The following MEF2C variants were observed in gnomAD, a reference collection of about 807,000 sequenced individuals.
The protein encoded by MEF2C is myocyte-specific enhancer factor 2C.
MEF2C carries 6 observed loss-of-function variants against 50.5 expected under a neutral mutation model. The ratio of observed to expected loss-of-function variants is 0.12; its 90% CI spans 0.07 to 0.23. The LOEUF is 0.23. Among genes scored for constraint, MEF2C ranks in the 10% least tolerant of loss-of-function variants. The probability of loss-of-function intolerance (pLI) is 1.00; values close to 1 mark genes in which losing one functional copy is unlikely to be tolerated. For missense variants in MEF2C, 276 were observed against 605.0 expected (o/e 0.46, Z 5.70); for synonymous variants, 183 against 228.0 (o/e 0.80, Z 1.78).
In MEF2C at chr5:88,826,416, C is replaced by T. The variant is rs372934299; in HGVS notation, c.-142-2486G>A. 9.3e-4 allele frequency among the ~76,000 whole-genome samples: 142 copies of T among 151,970 alleles called. 4 individuals are homozygous for T. In the South Asian group the frequency reaches 0.027, roughly 29 times the overall value. On this transcript the variant is annotated intron_variant, in intron 1 of 10. Coordinates refer to ENST00000504921, the MANE Select transcript of MEF2C (RefSeq NM_002397.5). ...AATCCAAAATTTAGTATGAAGTACA[C>T]GTGCAGAGTAATATGTGGTGATGAT...
rs1001668819 is a variant in MEF2C at position 88,743,867 on chromosome 5, G to C, written c.637+5203C>G. On this transcript the variant is annotated intron_variant, in intron 6 of 10. Coordinates refer to ENST00000504921, the MANE Select transcript of MEF2C (RefSeq NM_002397.5). ...ATTCAAAATAAGAAAACAGATGTTA[G>C]TTTCTTTTTTATAAAATTATATCTA... 3.1e-6 allele frequency: 3 copies of C among 960,746 alleles called. No individual in the cohort carries two copies. The South Asian group carries it at 1.4e-4, about 46-fold the overall frequency. The allele number at this position is 960,746 out of a possible 1,614,324, so 59.5% of individuals were successfully genotyped here. A position where few individuals can be genotyped will look rare whatever the true frequency, so the allele number is the denominator to read the frequency against.
intron 1 of MEF2C, among the ~76,000 whole-genome samples, chr5:88,879,034 T>G (rs1013347182): frequency 6.6e-6 from 1 of 152,044 alleles, no homozygotes; most frequent in Non-Finnish European, 1.5e-5. Context: ...ATGAAACATC[T>G]CATTCACTAA....
chr5:88,770,701 T>C (rs1366945385), intron 3 of MEF2C, among the ~76,000 whole-genome samples: 1 of 152,212 alleles, frequency 6.6e-6, no homozygotes, highest in Non-Finnish European at 1.5e-5. Flanking sequence ...CACCTATCGT[T>C]ATTCTTTCTA....
intron 6 of MEF2C, chr5:88,740,440 C>T: frequency 3.0e-6 from 3 of 985,218 alleles, no homozygotes; most frequent in South Asian, 4.7e-5. Context: ...TCTCATTTGT[C>T]CTAACTGTCA....
At chr5:88,803,976 T>C (rs984099532) in intron 3 of MEF2C, among the ~76,000 whole-genome samples, 2 of 152,198 alleles carry the variant, frequency 1.3e-5, no homozygotes, top group African/African-American at 4.8e-5. Context: ...AGCTAACATT[T>C]AGAAATTCAT....
intron 6 of MEF2C, chr5:88,740,453 C>A (rs934326871): frequency 3.0e-6 from 3 of 984,784 alleles, no homozygotes; most frequent in Non-Finnish European, 3.6e-6. Flanking sequence ...AACTGTCATG[C>A]GGATTTAGGC....
At chr5:88,893,562 C>G (rs1834820519) in intron 1 of MEF2C, among the ~76,000 whole-genome samples, 2 of 151,978 alleles carry the variant, frequency 1.3e-5, no homozygotes, top group Middle Eastern at 3.4e-3. Context: ...TTCTACTTAT[C>G]TGGATCTTAC....
At chr5:88,782,011 G>A in intron 3 of MEF2C, 2 of 476,176 alleles carry the variant, frequency 4.2e-6, no homozygotes, top group Non-Finnish European at 2.7e-6. Flanking sequence ...CACATGTTCT[G>A]AGGAAGGAGG....
At chr5:88,807,010 A>C (rs1312101366) in intron 2 of MEF2C, among the ~76,000 whole-genome samples, 1 of 152,240 alleles carries the variant, frequency 6.6e-6, no homozygotes, top group African/African-American at 2.4e-5. Context: ...GTATGTATAT[A>C]TGTGATAAAT....
Position 88,872,577 on chromosome 5 carries a change from TCAC to T in MEF2C, c.-143+10375_-143+10377del, listed in dbSNP as rs550984501. 6.8e-3 allele frequency among the ~76,000 whole-genome samples: 1,028 copies of T among 152,144 alleles called. 14 individuals carry two copies. Among genetic ancestry groups the T allele is most frequent in the African/African-American group, 0.023 (946 of 41,528 alleles). On this transcript the variant is annotated intron_variant, in intron 1 of 10. Coordinates refer to ENST00000504921, the MANE Select transcript of MEF2C (RefSeq NM_002397.5). The stretch of plus-strand genomic sequence containing the variant: ...AACCATCCCACCAAAAATTTCTAAA[TCAC>T]CATTAGCAGAAACTTAAAATGACTA...
At chr5:88,839,422 G>A (rs951117888) in intron 1 of MEF2C, 1 of 151,724 alleles carries the variant, frequency 6.6e-6, no homozygotes, top group Admixed American at 6.6e-5. Flanking sequence ...GCAGTTGATG[G>A]TGCAAAGCGA....
At chr5:88,811,187 C>T (rs952814772) in intron 2 of MEF2C, among the ~76,000 whole-genome samples, 2 of 151,992 alleles carry the variant, frequency 1.3e-5, no homozygotes, top group Non-Finnish European at 2.9e-5. Context: ...GGTCTGAGAA[C>T]AATCTGGCAT....
At chr5:88,861,697 C>A (rs775265590) in intron 1 of MEF2C, among the ~76,000 whole-genome samples, 45 of 152,130 alleles carry the variant, frequency 3.0e-4, no homozygotes, top group Non-Finnish European at 5.6e-4. Flanking sequence ...GCAAAGTAAT[C>A]ATTTTTATCT....
intron 3 of MEF2C, among the ~76,000 whole-genome samples, chr5:88,789,132 G>A: frequency 6.6e-6 from 1 of 151,254 alleles, no homozygotes; most frequent in South Asian, 2.1e-4. Flanking sequence ...ATTAAAATAA[G>A]TTACTATTAT....
intron 1 of MEF2C, among the ~76,000 whole-genome samples, chr5:88,865,092 T>C (rs1826871441): frequency 6.6e-6 from 1 of 152,110 alleles, no homozygotes; most frequent in Non-Finnish European, 1.5e-5. Context: ...AGACTGGATC[T>C]CACTATGTTG....
intron 1 of MEF2C, among the ~76,000 whole-genome samples, chr5:88,894,574 A>G (rs1036819850): frequency 6.6e-6 from 1 of 152,198 alleles, no homozygotes; most frequent in Non-Finnish European, 1.5e-5. Flanking sequence ...TTAAGGATGA[A>G]TTTTTTCCAA....
At chr5:88,737,470 G>T (rs1172828883) in intron 6 of MEF2C, 2 of 985,272 alleles carry the variant, frequency 2.0e-6, no homozygotes, top group Non-Finnish European at 2.4e-6. Context: ...ATGAAAAGTT[G>T]AAGTCTCTGA....
At chr5:88,771,807 T>G (rs1056367730) in intron 3 of MEF2C, 1 of 168,862 alleles carries the variant, frequency 5.9e-6, no homozygotes, top group Non-Finnish European at 1.2e-5. Context: ...CAAGTTCTGG[T>G]AGGTTAAAGC....
At chr5:88,849,518 ATATT>A (rs1820530996) in intron 1 of MEF2C, among the ~76,000 whole-genome samples, 1 of 152,224 alleles carries the variant, frequency 6.6e-6, no homozygotes, top group African/African-American at 2.4e-5. Flanking sequence ...AAGTTTGAAC[ATATT>A]TATTCTATTT....
Sources: gnomAD v4.1 joint callset for allele counts (sites outside exome capture counted in the v4.1 genomes callset) on GRCh38, gnomAD v4.1.1 for gene constraint, MANE v1.5 for transcripts, NCBI Gene and HGNC (gene_info 2026-07-23, HGNC 2026-07-21) for gene names.